SLC41A2: variants seen among roughly 807,000 people sequenced by gnomAD.
SLC41A2 encodes SLC41A1-like 1.
Under a neutral mutation model 58.3 loss-of-function variants are expected in SLC41A2, and 32 were observed. The observed-to-expected ratio is 0.55, with a 90% CI of 0.41 to 0.74. The LOEUF is 0.74. SLC41A2 is among the 30% of genes least tolerant of loss of function. The pLI is 0.00. For missense variants in SLC41A2, 514 were observed against 680.6 expected, an observed-to-expected ratio of 0.76 and a Z score of 2.72; for synonymous variants, 190 against 235.0, an observed-to-expected ratio of 0.81 and a Z score of 1.75.
chr12:104,823,281 C>T (rs1449033799), intron 10 of SLC41A2, among the ~76,000 whole-genome samples: 1 of 152,224 alleles, frequency 6.6e-6, no homozygotes, highest in East Asian at 1.9e-4. Context: ...TTTAGTATAT[C>T]TATACCTGTC....
intron 6 of SLC41A2, among the ~76,000 whole-genome samples, chr12:104,874,694 A>G (rs991617365): frequency 2.0e-5 from 3 of 152,162 alleles, no homozygotes; most frequent in Non-Finnish European, 4.4e-5. Context: ...TGGGCTCTCT[A>G]TCCTGTTCCA....
chr12:104,808,404 C>T (rs1004029000), intron 10 of SLC41A2, among the ~76,000 whole-genome samples: 2 of 152,108 alleles, frequency 1.3e-5, no homozygotes, highest in African/African-American at 4.8e-5. Flanking sequence ...GCCTTGCATC[C>T]CAGGGATGAA....
rs1460219198 is a variant in SLC41A2 at position 104,803,218 on chromosome 12, A to G, written c.*1934T>C. 2 of 152,202 alleles carry G rather than the reference A, an allele frequency of 1.3e-5. No homozygotes were observed. The highest frequency in any genetic ancestry group is 4.8e-5 in the African/African-American group (2 of 41,468). The allele number at this position is 152,202 out of a possible 1,614,324, so 9.4% of individuals were successfully genotyped here. On this transcript the variant is annotated 3_prime_UTR_variant, in exon 11 of 11. Transcript: ENST00000258538. ...CTTACAGCTCAAATGCAAATAATTT[A>G]CAAATGCTTTATAATAAAATCAAAG...
At position 104,804,157 on chromosome 12, in the gene SLC41A2, AAAAAAAAAAAAAG is replaced by A; in HGVS notation, c.*982_*994del. On this transcript the variant is annotated 3_prime_UTR_variant, in exon 11 of 11. Transcript: ENST00000258538. ...GACTCTGTCTCAAAAAAAAAAAAAA[AAAAAAAAAAAAAG>A]AATATAGGTAACAAATAGTAAATTC... 1 of 150,754 alleles carries A rather than the reference AAAAAAAAAAAAAG, an allele frequency of 6.6e-6. No homozygotes were observed. Among genetic ancestry groups the A allele is most frequent in the Non-Finnish European group, 1.5e-5 (1 of 67,686 alleles). 9.3% of individuals were successfully genotyped at this position (150,754 alleles called of 1,614,324 possible).
intron 8 of SLC41A2, among the ~76,000 whole-genome samples, chr12:104,848,917 CA>C (rs2042703875): frequency 6.6e-6 from 1 of 152,026 alleles, no homozygotes; most frequent in Non-Finnish European, 1.5e-5. Context: ...CACACACACA[CA>C]CACACCAAAT....
intron 3 of SLC41A2, among the ~76,000 whole-genome samples, chr12:104,899,502 T>C (rs4486704): frequency 0.015 from 2,209 of 152,230 alleles, 67 homozygotes; most frequent in African/African-American, 0.05. Flanking sequence ...GTCTCTCCCA[T>C]AGAGTGAAGC....
chr12:104,860,377 T>C (rs1190249402), intron 8 of SLC41A2, among the ~76,000 whole-genome samples: 5 of 149,920 alleles, frequency 3.3e-5, no homozygotes, highest in African/African-American at 1.2e-4. Context: ...TCTGCACATG[T>C]ATCCCAGAAC....
At chr12:104,842,918 G>T (rs1213241441) in intron 10 of SLC41A2, among the ~76,000 whole-genome samples, 1 of 152,000 alleles carries the variant, frequency 6.6e-6, no homozygotes, top group Non-Finnish European at 1.5e-5. Context: ...TCCAGCAATG[G>T]CTTGTTTATC....
intron 6 of SLC41A2, among the ~76,000 whole-genome samples, chr12:104,880,361 G>C (rs12580128): frequency 0.032 from 4,916 of 152,200 alleles, 148 homozygotes; most frequent in East Asian, 0.15. Context: ...TGTTGAATAG[G>C]AGTGGTGAGA....
intron 8 of SLC41A2, among the ~76,000 whole-genome samples, chr12:104,849,895 A>T (rs182934784): frequency 1.2e-4 from 18 of 152,254 alleles, no homozygotes; most frequent in African/African-American, 4.3e-4. Context: ...TAGCAATTCC[A>T]CTCTTAGACA....
chr12:104,810,975 G>A (rs1365939284), intron 10 of SLC41A2, among the ~76,000 whole-genome samples: 1 of 152,178 alleles, frequency 6.6e-6, no homozygotes, highest in African/African-American at 2.4e-5. Flanking sequence ...CTACTTTGGA[G>A]AACAATTTGG....
intron 3 of SLC41A2, among the ~76,000 whole-genome samples, chr12:104,905,507 T>C (rs1391735202): frequency 7.9e-5 from 12 of 152,222 alleles, no homozygotes; most frequent in Admixed American, 2.6e-4. Context: ...CTGCACCCTG[T>C]GCTCGCATTC....
chr12:104,936,832 A>G (rs969993127), intron 1 of SLC41A2, among the ~76,000 whole-genome samples: 3 of 152,262 alleles, frequency 2.0e-5, no homozygotes, highest in African/African-American at 7.2e-5. Flanking sequence ...AATTGAAAAA[A>G]GTATATAGAA....
At chr12:104,905,010 A>G (rs1277630628) in intron 3 of SLC41A2, among the ~76,000 whole-genome samples, 1 of 152,012 alleles carries the variant, frequency 6.6e-6, no homozygotes, top group African/African-American at 2.4e-5. Flanking sequence ...GCTGATTGGT[A>G]GAGCCGAGTG....
chr12:104,868,587 T>C (rs965073835), intron 6 of SLC41A2, among the ~76,000 whole-genome samples: 1 of 152,098 alleles, frequency 6.6e-6, no homozygotes, highest in African/African-American at 2.4e-5. Flanking sequence ...ATTCTACTCC[T>C]TCATGTACAC....
At chr12:104,866,405 C>T in intron 7 of SLC41A2, 27 bp downstream of exon 7, 1 of 1,600,002 alleles carries the variant, frequency 6.2e-7, no homozygotes, top group African/African-American at 1.4e-5. Flanking sequence ...CACACACACA[C>T]ACACACACAC....
chr12:104,876,854 C>A (rs1319128367), intron 6 of SLC41A2, among the ~76,000 whole-genome samples: 2 of 152,182 alleles, frequency 1.3e-5, no homozygotes, highest in Non-Finnish European at 2.9e-5. Context: ...TCTGGATGAT[C>A]TCTCCAGTGT....
intron 10 of SLC41A2, among the ~76,000 whole-genome samples, chr12:104,835,355 C>T (rs1457935436): frequency 6.6e-6 from 1 of 152,180 alleles, no homozygotes; most frequent in Non-Finnish European, 1.5e-5. Context: ...AAACTAAACT[C>T]TTTATCATCT....
At chr12:104,836,323 T>C (rs1402207185) in intron 10 of SLC41A2, among the ~76,000 whole-genome samples, 1 of 152,232 alleles carries the variant, frequency 6.6e-6, no homozygotes, top group Non-Finnish European at 1.5e-5. Context: ...TTCATATACA[T>C]AAAGTGCCTA....
Sources: gnomAD v4.1 joint callset for allele counts (sites outside exome capture counted in the v4.1 genomes callset) on GRCh38, gnomAD v4.1.1 for gene constraint, MANE v1.5 for transcripts, NCBI Gene and HGNC (gene_info 2026-07-23, HGNC 2026-07-21) for gene names.